The following ITGA9 variants were observed in gnomAD, a reference collection of about 807,000 sequenced individuals.
The protein encoded by ITGA9 is integrin alpha-9.
A neutral mutation model predicts 127.8 loss-of-function variants in ITGA9; 56 were observed. The observed-to-expected ratio is 0.44, with a 90% confidence interval of 0.35 to 0.55. The LOEUF (loss-of-function observed/expected upper bound fraction) is 0.55. ITGA9 is among the 20% of genes least tolerant of loss of function. The pLI, the probability that ITGA9 is intolerant of heterozygous loss-of-function variation, is 0.00. For missense variants in ITGA9, 1,196 were observed against 1,347.1 expected (o/e 0.89, Z 1.76); for synonymous variants, 508 against 514.5 (o/e 0.99, Z 0.17).
chr3:37,635,477 A>G (rs1304281812), intron 16 of ITGA9, among the ~76,000 whole-genome samples: 2 of 152,212 alleles, frequency 1.3e-5, no homozygotes, highest in South Asian at 2.1e-4. Context: ...TGCAGAGGTC[A>G]TCAGTAGAGC....
rs771410325 is a variant in ITGA9, at chr3:37,481,474, A to C, written c.421-10A>C. On this transcript the variant is annotated splice_polypyrimidine_tract_variant and intron_variant, in intron 3 of 27. Coordinates refer to ENST00000264741, the MANE Select transcript of ITGA9 (RefSeq NM_002207.3). ...ACTTTCCTGCTCTCAACTGCTCTCT[A>C]TCCCTTTAGGCCTGTGCTCATCGCT... The C allele has an allele frequency of 1.9e-6, 3 of 1,614,054 alleles. No individual in the cohort carries two copies. The highest frequency in any genetic ancestry group is 2.5e-6 in the Non-Finnish European group (3 of 1,180,006).
intron 16 of ITGA9, among the ~76,000 whole-genome samples, chr3:37,630,115 A>G (rs989616461): frequency 6.6e-6 from 1 of 152,184 alleles, no homozygotes; most frequent in African/African-American, 2.4e-5. Context: ...CTGTGGAACC[A>G]CCTTTCACAG....
chr3:37,547,301 C>T (rs1218641398), intron 15 of ITGA9, among the ~76,000 whole-genome samples: 3 of 152,190 alleles, frequency 2.0e-5, no homozygotes, highest in South Asian at 2.1e-4. Context: ...TTTCAAGGAA[C>T]TTTGAAACCT....
In ITGA9 at chr3:37,708,456, T is replaced by C. The variant is rs1285590157; in HGVS notation, c.2068-24256T>C. On this transcript the variant is annotated intron_variant, in intron 18 of 27. Coordinates refer to ENST00000264741, the MANE Select transcript of ITGA9 (RefSeq NM_002207.3). ...GCAAGGGATGTAGTTAAAGGGAGGG[T>C]TGGAGAGTGGGCGTTTTTGCAAACT... is the stretch of plus-strand genomic sequence containing the variant. Among the ~76,000 whole-genome samples, 2 of 151,942 alleles carry C rather than the reference T, an allele frequency of 1.3e-5. 1 individual carries two copies. Among genetic ancestry groups the C allele is most frequent in the Non-Finnish European group, 2.9e-5 (2 of 67,956 alleles).
intron 6 of ITGA9, 102 bp from the exon 7 acceptor site, chr3:37,505,898 G>C (rs1372388669): frequency 2.3e-6 from 2 of 856,148 alleles, no homozygotes; most frequent in African/African-American, 3.3e-5. Flanking sequence ...TATGTTCCAA[G>C]AGTAGGGAGC....
At chr3:37,779,629 C>T (rs557119205) in intron 24 of ITGA9, among the ~76,000 whole-genome samples, 1 of 152,088 alleles carries the variant, frequency 6.6e-6, no homozygotes. Context: ...ACAATTATTT[C>T]TCTTTGTGAA....
chr3:37,621,244 A>G (rs1455613050), intron 15 of ITGA9, among the ~76,000 whole-genome samples: 1 of 152,254 alleles, frequency 6.6e-6, no homozygotes, highest in Non-Finnish European at 1.5e-5. Flanking sequence ...CTCCCCAGCC[A>G]TATGGAACTG....
intron 15 of ITGA9, among the ~76,000 whole-genome samples, chr3:37,619,039 G>A (rs190773878): frequency 8.5e-5 from 13 of 152,296 alleles, no homozygotes; most frequent in East Asian, 1.9e-4. Context: ...GAAATCGCCC[G>A]TCTTCTGTGT....
chr3:37,455,584 T>G (rs1208874181), intron 1 of ITGA9, among the ~76,000 whole-genome samples: 1 of 151,858 alleles, frequency 6.6e-6, no homozygotes, highest in African/African-American at 2.4e-5. Flanking sequence ...AATATAGACA[T>G]GAAAGGGAAA....
chr3:37,750,483 A>C lies in ITGA9; in HGVS notation c.2455A>C (p.Thr819Pro). 1 of 1,612,946 alleles carries C rather than the reference A, an allele frequency of 6.2e-7. No homozygotes were observed. The highest frequency in any genetic ancestry group is 1.3e-5 in the African/African-American group (1 of 74,924). ...ACAGGTCTACAACACTGGCCCAAGC[A>C]CCCTTCCAGGGTCATCTGTCAGCAT... ...TLQVYNTGPS[T>P]LPGSSVSISF... Residue 819 changes from threonine to proline, a missense_variant, in exon 23 of 28, where the codon ACC (threonine) becomes CCC (proline). By Grantham distance (38) the Thr-to-Pro change is conservative (BLOSUM62 -1). Transcript: ENST00000264741.
intron 23 of ITGA9, among the ~76,000 whole-genome samples, chr3:37,756,950 G>A (rs988866350): frequency 6.7e-6 from 1 of 149,164 alleles, no homozygotes; most frequent in Non-Finnish European, 1.5e-5. Context: ...AAAGTTGAAG[G>A]GATGAACAAA....
chr3:37,682,859 C>T (rs777796366), intron 17 of ITGA9, among the ~76,000 whole-genome samples: 2 of 152,172 alleles, frequency 1.3e-5, no homozygotes, highest in South Asian at 4.1e-4. Context: ...CTTCTCACCC[C>T]CTCAGCTGCC....
intron 16 of ITGA9, among the ~76,000 whole-genome samples, chr3:37,640,241 A>G (rs1174827577): frequency 6.6e-6 from 1 of 152,214 alleles, no homozygotes; most frequent in Admixed American, 6.5e-5. Context: ...GGTCCAATCT[A>G]GTCACACGAG....
chr3:37,786,631 A>C (rs1306535489), intron 26 of ITGA9, among the ~76,000 whole-genome samples: 1 of 151,992 alleles, frequency 6.6e-6, no homozygotes, highest in Non-Finnish European at 1.5e-5. Flanking sequence ...AAAAAAAACC[A>C]ATAGTAATAA....
chr3:37,502,622 C>T (rs1163825681), intron 5 of ITGA9, among the ~76,000 whole-genome samples: 3 of 152,104 alleles, frequency 2.0e-5, no homozygotes, highest in Non-Finnish European at 4.4e-5. Flanking sequence ...TTTGTTCTTC[C>T]ATGTTTGCAG....
chr3:37,487,123 A>G (rs906199683), intron 4 of ITGA9, among the ~76,000 whole-genome samples: 4 of 152,372 alleles, frequency 2.6e-5, no homozygotes, highest in Admixed American at 2.6e-4. Context: ...ATAAAAGGCT[A>G]AGTTGATCCA....
chr3:37,631,853 A>G (rs1327807142), intron 16 of ITGA9, among the ~76,000 whole-genome samples: 4 of 152,208 alleles, frequency 2.6e-5, no homozygotes, highest in African/African-American at 9.6e-5. Flanking sequence ...GGCTTCAGGC[A>G]TGCAGAATAG....
intron 23 of ITGA9, among the ~76,000 whole-genome samples, chr3:37,754,683 T>C (rs1015392986): frequency 6.6e-6 from 1 of 152,186 alleles, no homozygotes; most frequent in Non-Finnish European, 1.5e-5. Flanking sequence ...GGACATTGAC[T>C]TCAATATGGC....
intron 23 of ITGA9, among the ~76,000 whole-genome samples, chr3:37,756,168 A>AAG: frequency 6.6e-6 from 1 of 152,130 alleles, no homozygotes; most frequent in South Asian, 2.1e-4. Context: ...TCAAAAAAAA[A>AAG]AGGCAAATAT....
Sources: gnomAD v4.1 joint callset for allele counts (sites outside exome capture counted in the v4.1 genomes callset) on GRCh38, gnomAD v4.1.1 for gene constraint, MANE v1.5 for transcripts, NCBI Gene and HGNC (gene_info 2026-07-23, HGNC 2026-07-21) for gene names.